CTNNA2: variants seen among roughly 807,000 people sequenced by gnomAD.
CTNNA2 encodes catenin alpha-2.
Under a neutral mutation model 101.0 loss-of-function variants are expected in CTNNA2, and 42 were observed. The ratio of observed to expected loss-of-function variants is 0.42; its 90% CI spans 0.32 to 0.54. The LOEUF is 0.54. CTNNA2 is among the 20% of genes least tolerant of loss of function. The pLI, the probability that CTNNA2 is intolerant of heterozygous loss-of-function variation, is 0.14. For synonymous variants in CTNNA2, 450 were observed against 456.4 expected, an observed-to-expected ratio of 0.99 and a Z score of 0.18; for missense variants, 871 against 1,223.1, an observed-to-expected ratio of 0.71 and a Z score of 4.29.
chr2:79,802,032 A>G (rs1485293310), intron 3 of CTNNA2, among the ~76,000 whole-genome samples: 2 of 151,706 alleles, frequency 1.3e-5, no homozygotes, highest in Admixed American at 6.6e-5. Flanking sequence ...GAAAGAAAGA[A>G]AAAAAGCTAT....
At chr2:80,463,624 T>C (rs1430916041) in intron 9 of CTNNA2, among the ~76,000 whole-genome samples, 3 of 152,220 alleles carry the variant, frequency 2.0e-5, no homozygotes, top group Admixed American at 2.0e-4. Flanking sequence ...ACAAGAGGAA[T>C]GAGTTCTGAT....
rs1477736336 is a variant in CTNNA2 at position 79,840,856 on chromosome 2, G to C, written c.299-17157G>C. ...GCGATCTCGGCTCACTGCAAGCTTC[G>C]CCTCCCGGGTTCACGCCATTCTCCT... On this transcript the variant is annotated intron_variant, in intron 3 of 18. Transcript: ENST00000402739. Among the ~76,000 whole-genome samples the C allele has an allele frequency of 6.0e-5, 9 of 150,854 alleles. No homozygotes were observed. The Admixed American group carries it at 6.0e-4, about 10-fold the overall frequency.
At position 80,620,225 on chromosome 2, in the gene CTNNA2, A is replaced by C. The variant is rs143359537; in HGVS notation, c.2574+997A>C. Among the ~76,000 whole-genome samples, 969 of 151,888 alleles carry C rather than the reference A, an allele frequency of 6.4e-3. 5 individuals carry two copies. The highest frequency in any genetic ancestry group is 0.012 in the South Asian group (58 of 4,824). ...CATCCTGGTGTGGATTATGAGTATT[A>C]TAAAATATATAAAGAGGGTATCATC... On this transcript the variant is annotated intron_variant, in intron 18 of 18. Transcript: ENST00000402739.
intron 5 of CTNNA2, among the ~76,000 whole-genome samples, chr2:79,870,458 G>C (rs1235217566): frequency 6.8e-6 from 1 of 147,420 alleles, no homozygotes. Flanking sequence ...AGAACAGGGG[G>C]AAAAGGGGAG....
intron 8 of CTNNA2, among the ~76,000 whole-genome samples, chr2:80,393,577 A>G (rs1677725323): frequency 6.6e-6 from 1 of 152,150 alleles, no homozygotes. Context: ...TCTGGTCTTT[A>G]GTTTTCCAAA....
At chr2:79,591,018 G>A (rs1210993647) in intron 1 of CTNNA2, among the ~76,000 whole-genome samples, 2 of 152,080 alleles carry the variant, frequency 1.3e-5, no homozygotes, top group African/African-American at 4.8e-5. Context: ...CTCTTATAAT[G>A]TATTTTATAT....
intron 1 of CTNNA2, among the ~76,000 whole-genome samples, chr2:79,514,083 A>G (rs1671678021): frequency 6.6e-6 from 1 of 152,210 alleles, no homozygotes; most frequent in Non-Finnish European, 1.5e-5. Flanking sequence ...ACCTACTTCA[A>G]AGGCAGAAAC....
At chr2:80,359,781 AATT>A (rs1377891877) in intron 7 of CTNNA2, among the ~76,000 whole-genome samples, 1 of 152,148 alleles carries the variant, frequency 6.6e-6, no homozygotes, top group Non-Finnish European at 1.5e-5. Context: ...ATGCTGTCTT[AATT>A]ATTATAGCTT....
Position 79,827,035 on chromosome 2 carries a change from A to AT in CTNNA2, c.299-30969dup, listed in dbSNP as rs201032504. Among the ~76,000 whole-genome samples, 677 of 151,520 alleles carry AT rather than the reference A, an allele frequency of 4.5e-3. 12 individuals carry two copies. Among genetic ancestry groups the AT allele is most frequent in the East Asian group, 0.039 (202 of 5,140 alleles). On this transcript the variant is annotated intron_variant, in intron 3 of 18. Coordinates refer to ENST00000402739, the MANE Select transcript of CTNNA2 (RefSeq NM_001282597.3). The stretch of plus-strand genomic sequence containing the variant: ...TTACCTACGTAACAATTAGACTGTA[A>AT]TTTTTTTTTGTTTTGTTTTTTGAGG...
intron 4 of CTNNA2, among the ~76,000 whole-genome samples, chr2:79,458,506 CA>C (rs1244432768): frequency 6.6e-6 from 1 of 152,068 alleles, no homozygotes; most frequent in African/African-American, 2.4e-5. Context: ...AGCTATATAA[CA>C]AAATTCTTCC....
At chr2:80,506,418 G>A (rs1168788758) in intron 9 of CTNNA2, among the ~76,000 whole-genome samples, 2 of 152,178 alleles carry the variant, frequency 1.3e-5, no homozygotes, top group Admixed American at 1.3e-4. Flanking sequence ...AGAGCTGTTG[G>A]AGGCTGACCT....
intron 2 of CTNNA2, among the ~76,000 whole-genome samples, chr2:79,654,325 A>G (rs1488240327): frequency 6.6e-6 from 1 of 152,158 alleles, no homozygotes; most frequent in Non-Finnish European, 1.5e-5. Context: ...GCTTAATATA[A>G]AACACATTTA....
chr2:79,790,496 A>G (rs890350832), intron 3 of CTNNA2, among the ~76,000 whole-genome samples: 2 of 152,186 alleles, frequency 1.3e-5, no homozygotes, highest in Non-Finnish European at 2.9e-5. Context: ...AGGGCTATAT[A>G]CTAATGAATT....
Position 79,651,576 on chromosome 2 carries a change from C to T in CTNNA2, c.20C>T (p.Pro7Leu), listed in dbSNP as rs190886290. 42 of 1,613,802 alleles carry T rather than the reference C, an allele frequency of 2.6e-5. No individual in the cohort carries two copies. The change falls in exon 2 of 19, where the codon CCT (proline) becomes CTT (leucine). Residue 7 changes from proline (P) to leucine (L), a missense_variant. Transcript: ENST00000402739. ...GGGAGCATGACTTCGGCAACTTCAC[C>T]TATCATTCTGAAATGGGACCCCAAA... MTSATS[P>L]IILKWDPKSL...
At chr2:79,281,604 G>C (rs1675385736) in intron 2 of CTNNA2, 1 of 152,144 alleles carries the variant, frequency 6.6e-6, no homozygotes, top group East Asian at 1.9e-4. Flanking sequence ...TTTTGCTGTA[G>C]TGTTTGACAT....
chr2:80,412,488 A>G (rs1399389163), intron 8 of CTNNA2, among the ~76,000 whole-genome samples: 1 of 152,240 alleles, frequency 6.6e-6, no homozygotes, highest in Non-Finnish European at 1.5e-5. Context: ...GGCCAAAGAA[A>G]TGAATTGAAA....
intron 2 of CTNNA2, among the ~76,000 whole-genome samples, chr2:79,251,501 T>C (rs777671373): frequency 1.3e-4 from 20 of 152,070 alleles, no homozygotes; most frequent in Non-Finnish European, 2.4e-4. Flanking sequence ...TTCTAACCAA[T>C]AGTGTACAGC....
rs529733829 is a variant in CTNNA2 at position 80,248,023 on chromosome 2, T to A, written c.1057-145188T>A. Among the ~76,000 whole-genome samples, 6 of 152,134 alleles carry A rather than the reference T, an allele frequency of 3.9e-5. No individual in the cohort carries two copies. The South Asian group carries it at 8.3e-4, about 21-fold the overall frequency. On this transcript the variant is annotated intron_variant, in intron 7 of 18. Transcript: ENST00000402739. ...TATCATTTGTCTTTTCTTTATTTTT[T>A]TTTTTTTGTGGGGGCAGGGGACTCA... is the stretch of plus-strand genomic sequence containing the variant.
At chr2:80,422,422 C>T (rs114366586) in intron 9 of CTNNA2, among the ~76,000 whole-genome samples, 1,335 of 133,498 alleles carry the variant, frequency 0.01, 25 homozygotes, top group African/African-American at 0.035. Context: ...TTTCTTCTTT[C>T]CCAATACTTA....
Sources: allele counts gnomAD v4.1 joint callset (sites outside exome capture counted in the v4.1 genomes callset), GRCh38; gene constraint gnomAD v4.1.1; transcripts MANE v1.5; gene names NCBI Gene and HGNC (gene_info 2026-07-23, HGNC 2026-07-21).